MPPED2: variants seen among roughly 807,000 people sequenced by gnomAD.
MPPED2 encodes metallophosphoesterase domain containing 2.
A neutral mutation model predicts 33.0 loss-of-function variants in MPPED2; 5 were observed. That is an observed-to-expected ratio of 0.15 (90% CI 0.08 to 0.32). The LOEUF is 0.32. MPPED2 is among the 10% of genes least tolerant of loss of function. The pLI is 1.00. For missense variants in MPPED2, 275 were observed against 372.1 expected, an observed-to-expected ratio of 0.74 and a Z score of 2.15; for synonymous variants, 136 against 141.9, an observed-to-expected ratio of 0.96 and a Z score of 0.29.
chr11:30,504,689 C>T, intron 3 of MPPED2: 1 of 947,634 alleles, frequency 1.1e-6, no homozygotes, highest in Non-Finnish European at 1.5e-6. Flanking sequence ...CCCCGTCAGG[C>T]TCCATTAATT....
exon 7 of MPPED2, chr11:30,385,443 A>G (rs1200844181): frequency 6.6e-6 from 1 of 152,002 alleles, no homozygotes; most frequent in Non-Finnish European, 1.5e-5. Flanking sequence ...GGGAGGGGGC[A>G]TTTGTGTTGT....
rs778425174 is a variant in MPPED2, at chr11:30,490,948, G to T, written c.536+4348C>A. 2.0e-5 allele frequency among the ~76,000 whole-genome samples: 3 copies of T among 152,238 alleles called. No homozygotes were observed. In the East Asian group the frequency reaches 5.8e-4, roughly 29 times the overall value. The stretch of plus-strand genomic sequence containing the variant: ...AAACCTGTGAATCCTTAATATCAGG[G>T]TTCTTATTTTGATTTCTATTTTTAA... On this transcript the variant is annotated intron_variant, in intron 4 of 6. Coordinates refer to ENST00000358117, the MANE Select transcript of MPPED2 (RefSeq NM_001584.3).
intron 3 of MPPED2, among the ~76,000 whole-genome samples, chr11:30,530,074 T>C (rs1954432310): frequency 6.6e-6 from 1 of 152,192 alleles, no homozygotes; most frequent in African/African-American, 2.4e-5. Context: ...ACGTAAACTT[T>C]TGACTGAAAG....
At position 30,417,545 on chromosome 11, in the gene MPPED2, T is replaced by C. The variant is rs754808066; in HGVS notation, c.625A>G (p.Ile209Val). ...AGAGGAGGTCCATGTGTCATGAGTA[T>C]GTCAATGCCCTCAGGGATGAGGTTC... ...KWNLIPEGID[I>V]LMTHGPPLGF... The change falls in exon 5 of 7, where the codon ATA (isoleucine) becomes GTA (valine). Residue 209 changes from isoleucine to valine, a missense_variant. Ile to Val is a conservative substitution (Grantham distance 29). Transcript: ENST00000358117. 5 of 1,612,522 alleles carry C rather than the reference T, an allele frequency of 3.1e-6. No individual in the cohort carries two copies. In the East Asian group the frequency reaches 1.1e-4, roughly 36 times the overall value.
intron 5 of MPPED2, among the ~76,000 whole-genome samples, 186 bp downstream of exon 5, chr11:30,417,332 C>T (rs1470771139): frequency 1.3e-5 from 2 of 151,994 alleles, no homozygotes; most frequent in African/African-American, 4.8e-5. Flanking sequence ...TCAAGAACAC[C>T]TGTAAGCCCA....
chr11:30,411,400 T>TTA lies in MPPED2; in HGVS notation c.*67_*68insTA. Reference sequence around the variant, plus strand: ...GGGTTTGTAAATAAGTAAGAGAATGTAAGTTTATAATTAGAAAAATGGCAG... The same window carrying TTA: ...GGGTTTGTAAATAAGTAAGAGAATGTTAAAGTTTATAATTAGAAAAATGGCAG... On this transcript the variant is annotated 3_prime_UTR_variant, in exon 7 of 7. Coordinates refer to ENST00000358117, the MANE Select transcript of MPPED2 (RefSeq NM_001584.3). 6.6e-7 allele frequency: 1 copy of TTA among 1,513,902 alleles called. No homozygotes were observed. Among genetic ancestry groups the TTA allele is most frequent in the Non-Finnish European group, 8.9e-7 (1 of 1,123,486 alleles). The allele number at this position is 1,513,902 out of a possible 1,614,324, so 93.8% of individuals were successfully genotyped here. A position where few individuals can be genotyped will look rare whatever the true frequency, so the allele number is the denominator to read the frequency against.
chr11:30,489,360 A>G (rs1159332673), intron 4 of MPPED2, among the ~76,000 whole-genome samples: 1 of 152,270 alleles, frequency 6.6e-6, no homozygotes. Context: ...CCTTGTAGCT[A>G]TTTGTGTGCA....
chr11:30,450,085 C>T lies in MPPED2; in HGVS notation c.537-32452G>A, dbSNP rs893900726. Among the ~76,000 whole-genome samples, 15 of 152,318 alleles carry T rather than the reference C, an allele frequency of 9.8e-5. No individual in the cohort carries two copies. In the East Asian group the frequency reaches 2.7e-3, roughly 27 times the overall value. On this transcript the variant is annotated intron_variant, in intron 4 of 6. Transcript: ENST00000358117. ...TATGTTTTTTCTCCTACTAACCTTT[C>T]TAGTGTCTTTTGAATTCACAGGCGC...
intron 2 of MPPED2, among the ~76,000 whole-genome samples, chr11:30,551,450 A>T (rs1955708702): frequency 6.6e-6 from 1 of 152,114 alleles, no homozygotes; most frequent in Admixed American, 6.5e-5. Context: ...GTCTACACAA[A>T]CTCAATGCTA....
chr11:30,384,190 A>G (rs913653779), downstream of MPPED2, among the ~76,000 whole-genome samples: 2 of 152,198 alleles, frequency 1.3e-5, no homozygotes, highest in African/African-American at 4.8e-5. Flanking sequence ...GAGACATGTA[A>G]TCTTATTTCC....
intron 4 of MPPED2, among the ~76,000 whole-genome samples, chr11:30,433,632 T>C (rs921287871): frequency 6.6e-6 from 1 of 152,210 alleles, no homozygotes; most frequent in African/African-American, 2.4e-5. Context: ...CCGTCACTGC[T>C]TTCTTTTCTC....
At chr11:30,404,318 C>G (rs145097601) in intron 6 of MPPED2, among the ~76,000 whole-genome samples, 5 of 152,166 alleles carry the variant, frequency 3.3e-5, no homozygotes, top group Admixed American at 1.3e-4. Context: ...TGGGAGAAAA[C>G]GAGTCAACAA....
At chr11:30,523,375 A>G (rs1476525889) in intron 3 of MPPED2, among the ~76,000 whole-genome samples, 2 of 152,154 alleles carry the variant, frequency 1.3e-5, no homozygotes, top group Non-Finnish European at 2.9e-5. Flanking sequence ...ACCAAATGCC[A>G]CGTTGGTATA....
At chr11:30,512,503 G>A (rs1261860628) in intron 3 of MPPED2, among the ~76,000 whole-genome samples, 1 of 151,882 alleles carries the variant, frequency 6.6e-6, no homozygotes, top group Non-Finnish European at 1.5e-5. Context: ...CTGAAATTAG[G>A]TCTGCTCTTG....
chr11:30,498,612 G>A (rs553671654), intron 3 of MPPED2, among the ~76,000 whole-genome samples: 2 of 151,404 alleles, frequency 1.3e-5, no homozygotes, highest in African/African-American at 4.8e-5. Context: ...CATGGTCTAT[G>A]TTCTACTAAT....
At chr11:30,451,881 T>C (rs1270885736) in intron 4 of MPPED2, 1 of 984,836 alleles carries the variant, frequency 1.0e-6, no homozygotes, top group African/African-American at 1.7e-5. Context: ...TATGCCCTAG[T>C]TCCAGCTCAA....
chr11:30,458,914 CTTTTTTTTTTTTT>C (rs71060450), intron 4 of MPPED2, among the ~76,000 whole-genome samples: 2 of 64,516 alleles, frequency 3.1e-5, no homozygotes, highest in African/African-American at 5.9e-5. Flanking sequence ...TTGCACAGTT[CTTTTTTTTTTTTT>C]TTTTTTTTTT....
rs1440029934 is a variant in MPPED2, at chr11:30,427,503, C to G, written c.537-9870G>C. On this transcript the variant is annotated intron_variant, in intron 4 of 6. Transcript: ENST00000358117. ...GATAAGTGGACAATAAAATACCATA[C>G]AGCCATTAAACATAAGGTCAATTGG... Among the ~76,000 whole-genome samples, 5 of 152,178 alleles carry G rather than the reference C, an allele frequency of 3.3e-5. No homozygotes were observed. In the East Asian group the frequency reaches 7.7e-4, roughly 23 times the overall value.
downstream of MPPED2, chr11:30,410,111 T>G (rs1948050710): frequency 1.0e-6 from 1 of 984,946 alleles, no homozygotes; most frequent in African/African-American, 1.7e-5. Context: ...GGGAAAAAAA[T>G]CACTTATTCT....
Sources: allele counts gnomAD v4.1 joint callset (sites outside exome capture counted in the v4.1 genomes callset), GRCh38; gene constraint gnomAD v4.1.1; transcripts MANE v1.5; gene names NCBI Gene and HGNC (gene_info 2026-07-23, HGNC 2026-07-21).